Variants in CEP95 observed in about 807,000 individuals in gnomAD.
CEP95 encodes centrosomal protein 95.
A neutral mutation model predicts 111.2 loss-of-function variants in CEP95; 98 were observed. The observed-to-expected ratio is 0.88, with a 90% CI of 0.75 to 1.04. The LOEUF (loss-of-function observed/expected upper bound fraction) is 1.04, where lower values mean the gene tolerates loss of function less well. Ranked by LOEUF, CEP95 falls within the 50% of genes least tolerant of loss-of-function variation. The pLI is 0.00. For missense variants in CEP95, 1,027 were observed against 977.2 expected, an observed-to-expected ratio of 1.05 and a Z score of -0.68; for synonymous variants, 323 against 327.1, an observed-to-expected ratio of 0.99 and a Z score of 0.14.
At chr17:64,508,299 G>A in intron 1 of CEP95, 1 of 991,548 alleles carries the variant, frequency 1.0e-6, no homozygotes, top group Non-Finnish European at 1.2e-6. Context: ...CCCATGTAAG[G>A]CTTATATAAG....
intron 17 of CEP95, chr17:64,534,968 C>T (rs1968551759): frequency 6.1e-6 from 3 of 492,024 alleles, no homozygotes; most frequent in Non-Finnish European, 1.1e-5. Context: ...GTCTTACTTC[C>T]TCCCTGCCTC....
chr17:64,510,643 A>G (rs918031883), intron 3 of CEP95, among the ~76,000 whole-genome samples: 28 of 152,268 alleles, frequency 1.8e-4, no homozygotes, highest in African/African-American at 6.7e-4. Flanking sequence ...TCAACCTCCC[A>G]AGCTCAGGTG....
chr17:64,509,278 C>A (rs1457465604), intron 2 of CEP95, among the ~76,000 whole-genome samples: 7 of 152,358 alleles, frequency 4.6e-5, no homozygotes, highest in African/African-American at 1.7e-4. Context: ...AAGTGATCCT[C>A]CCGTCTACCT....
At position 64,526,074 on chromosome 17, in the gene CEP95, T is replaced by C; in HGVS notation, c.1026T>C (p.Asn342=). ...RTRKPPKGKR[N]ENRATASSCN... is the part of the protein sequence containing the mutation. ...CAAATGGTCACTTTTATTACAGAAA[T>C]GAAAACAGAGCTACAGCCTCATCCT... Residue 342 remains asparagine (N), a synonymous_variant, in exon 10 of 20, where the codon AAT becomes AAC. Transcript: ENST00000556440. 6.2e-7 allele frequency: 1 copy of C among 1,611,256 alleles called. No homozygotes were observed. Among genetic ancestry groups the C allele is most frequent in the Non-Finnish European group, 8.5e-7 (1 of 1,179,138 alleles).
intron 2 of CEP95, among the ~76,000 whole-genome samples, chr17:64,509,914 T>C (rs905220956): frequency 6.6e-6 from 1 of 152,014 alleles, no homozygotes; most frequent in African/African-American, 2.4e-5. Context: ...TCTATATATA[T>C]ATATATGGTG....
chr17:64,522,578 G>T, intron 7 of CEP95, 124 bp from the exon 8 acceptor site: 1 of 602,992 alleles, frequency 1.7e-6, no homozygotes, highest in Non-Finnish European at 2.8e-6. Flanking sequence ...TATGTGCTTT[G>T]TCTTAAGTTT....
chr17:64,516,869 G>A (rs1333819665), intron 5 of CEP95, 41 bp downstream of exon 5: 35 of 1,209,710 alleles, frequency 2.9e-5, no homozygotes, highest in East Asian at 1.9e-4. Flanking sequence ...AACAAGTTAC[G>A]CTTTTTGGAC....
chr17:64,519,474 C>G (rs781792861), intron 6 of CEP95, 38 bp downstream of exon 6: 1 of 1,410,348 alleles, frequency 7.1e-7, no homozygotes, highest in South Asian at 1.2e-5. Flanking sequence ...TATTATTCAA[C>G]ATACAACTAT....
At position 64,537,031 on chromosome 17, in the gene CEP95, C is replaced by G. The variant is rs1555681711; in HGVS notation, c.2218-10C>G. Reference sequence around the variant, plus strand: ...AATATAATATTTGTTTTTTTTCTTCCTATAAACAGTTTTCATTGCTGGCAG... The same window carrying G: ...AATATAATATTTGTTTTTTTTCTTCGTATAAACAGTTTTCATTGCTGGCAG... On this transcript the variant is annotated splice_polypyrimidine_tract_variant and intron_variant, in intron 18 of 19. Transcript: ENST00000556440. 1 of 1,603,494 alleles carries G rather than the reference C, an allele frequency of 6.2e-7. No individual in the cohort carries two copies. The highest frequency in any genetic ancestry group is 8.5e-7 in the Non-Finnish European group (1 of 1,174,728).
intron 12 of CEP95, among the ~76,000 whole-genome samples, chr17:64,529,953 CTA>C (rs1555679926): frequency 6.6e-6 from 1 of 152,182 alleles, no homozygotes; most frequent in African/African-American, 2.4e-5. Flanking sequence ...TGGTGAAAAA[CTA>C]AAACCAATTC....
At chr17:64,511,459 T>C (rs548285504) in intron 3 of CEP95, among the ~76,000 whole-genome samples, 111 of 152,316 alleles carry the variant, frequency 7.3e-4, no homozygotes, top group Non-Finnish European at 1.3e-3. Context: ...ATTTCTCCCA[T>C]TTGCTTTTGA....
At chr17:64,523,994 C>CATTA (rs1295267915) in intron 8 of CEP95, among the ~76,000 whole-genome samples, 1 of 152,150 alleles carries the variant, frequency 6.6e-6, no homozygotes, top group Non-Finnish European at 1.5e-5. Flanking sequence ...TCAAGCAATG[C>CATTA]ATTAAAAGTA....
chr17:64,522,937 T>C (rs1555678348), intron 8 of CEP95, 42 bp downstream of exon 8: 1 of 1,446,502 alleles, frequency 6.9e-7, no homozygotes, highest in Admixed American at 1.9e-5. Context: ...GAAGTACACT[T>C]GTATGTATGT....
upstream of CEP95, chr17:64,506,969 CA>C: frequency 2.0e-5 from 20 of 1,019,786 alleles, no homozygotes; most frequent in South Asian, 2.7e-4. Flanking sequence ...GTCCTTCTTT[CA>C]CGCCTCCTTC....
chr17:64,531,205 C>T (rs1396580267), intron 13 of CEP95, 187 bp downstream of exon 13: 3 of 401,986 alleles, frequency 7.5e-6, no homozygotes, highest in African/African-American at 2.1e-5. Context: ...TAAAATATGA[C>T]GAGACATGGT....
intron 17 of CEP95, 99 bp from the exon 18 acceptor site, chr17:64,536,503 T>TC: frequency 1.9e-5 from 16 of 837,612 alleles, no homozygotes; most frequent in Non-Finnish European, 1.6e-5. Flanking sequence ...AAACTAGTAT[T>TC]TAAAAAAAAA....
intron 4 of CEP95, 99 bp from the exon 5 acceptor site, chr17:64,516,624 A>G: frequency 1.8e-6 from 1 of 568,788 alleles, no homozygotes; most frequent in Non-Finnish European, 3.0e-6. Flanking sequence ...ATGGCAAGTT[A>G]GGGGTGCCTC....
chr17:64,536,456 G>A, intron 17 of CEP95, 146 bp from the exon 18 acceptor site: 1 of 549,486 alleles, frequency 1.8e-6, no homozygotes, highest in Non-Finnish European at 3.2e-6. Context: ...CTCAGAAAAA[G>A]GAGGTACATT....
chr17:64,515,912 G>T (rs1212972830), intron 4 of CEP95: 1 of 152,182 alleles, frequency 6.6e-6, no homozygotes, highest in Non-Finnish European at 1.5e-5. Context: ...GGAAGACCAT[G>T]GGTTCAGTGC....
Sources: allele counts gnomAD v4.1 joint callset (sites outside exome capture counted in the v4.1 genomes callset), GRCh38; gene constraint gnomAD v4.1.1; transcripts MANE v1.5; gene names NCBI Gene and HGNC (gene_info 2026-07-23, HGNC 2026-07-21).